Variants in KCNMA1 observed in about 807,000 individuals in gnomAD.
KCNMA1 encodes the protein Calcium-activated potassium channel subunit alpha-1.
Under a neutral mutation model 140.0 loss-of-function variants are expected in KCNMA1, and 29 were observed. That is an observed-to-expected ratio of 0.21 (90% CI 0.15 to 0.28). The LOEUF is 0.28. KCNMA1 is among the 10% of genes least tolerant of loss of function. The pLI, the probability that KCNMA1 is intolerant of heterozygous loss-of-function variation, is 1.00. For synonymous variants in KCNMA1, 612 were observed against 611.9 expected (o/e 1.00, Z 0.00); for missense variants, 880 against 1,602.2 (o/e 0.55, Z 7.70).
At chr10:77,514,437 T>C (rs1406638140) in intron 1 of KCNMA1, among the ~76,000 whole-genome samples, 2 of 152,120 alleles carry the variant, frequency 1.3e-5, no homozygotes, top group African/African-American at 4.8e-5. Context: ...AAGTTCAGCC[T>C]CTTCCTCCAA....
chr10:77,184,406 G>A (rs553719610), intron 4 of KCNMA1, among the ~76,000 whole-genome samples: 2 of 152,252 alleles, frequency 1.3e-5, no homozygotes, highest in South Asian at 4.1e-4. Flanking sequence ...TTTTAGTAGA[G>A]ATGGGATTTC....
intron 2 of KCNMA1, among the ~76,000 whole-genome samples, chr10:77,399,583 G>A (rs1009333580): frequency 9.8e-5 from 15 of 152,318 alleles, no homozygotes; most frequent in Admixed American, 8.5e-4. Flanking sequence ...GTGCCAGGGT[G>A]AGAGAGGAGG....
intron 3 of KCNMA1, among the ~76,000 whole-genome samples, chr10:77,187,989 G>A (rs968997043): frequency 6.6e-6 from 1 of 152,038 alleles, no homozygotes; most frequent in Non-Finnish European, 1.5e-5. Flanking sequence ...CAACAAAAGA[G>A]TTGGCCATAT....
chr10:77,236,677 C>T (rs79028913), intron 3 of KCNMA1, among the ~76,000 whole-genome samples: 13 of 152,136 alleles, frequency 8.5e-5, no homozygotes, highest in Non-Finnish European at 1.3e-4. Flanking sequence ...AGTATACATA[C>T]GTTTATACAG....
In KCNMA1 at chr10:76,953,897, A is replaced by G. The variant is rs1294400353; in HGVS notation, c.2388T>C (p.Asn796=). 6.2e-7 allele frequency: 1 copy of G among 1,614,128 alleles called. No individual in the cohort carries two copies. Among genetic ancestry groups the G allele is most frequent in the Admixed American group, 1.7e-5 (1 of 60,030 alleles). ...TGGAGTCCATGTTGTCAATCTGATCATTGCCAGGAATTAACAAGGGGTCAT... is the reference window on the plus strand; with the variant it reads ...TGGAGTCCATGTTGTCAATCTGATCGTTGCCAGGAATTAACAAGGGGTCAT... ...MRHDPLLIPG[N]DQIDNMDSNV... is the part of the protein sequence containing the mutation. The change falls in exon 21 of 28, where the codon AAT becomes AAC. Residue 796 remains asparagine (N), a synonymous_variant. Transcript: ENST00000286628.
chr10:77,634,140 G>A, intron 1 of KCNMA1: 1 of 985,158 alleles, frequency 1.0e-6, no homozygotes, highest in Non-Finnish European at 1.2e-6. Flanking sequence ...CTTTATTCAG[G>A]CTACCAGAGC....
intron 1 of KCNMA1, among the ~76,000 whole-genome samples, chr10:77,459,832 C>T (rs1041169861): frequency 2.0e-5 from 3 of 152,162 alleles, no homozygotes; most frequent in Non-Finnish European, 4.4e-5. Context: ...GCCTTAGGCG[C>T]ACTATTTGAT....
intron 21 of KCNMA1, chr10:76,952,046 C>G (rs1355823614): frequency 1.3e-6 from 2 of 1,551,962 alleles, no homozygotes; most frequent in Non-Finnish European, 1.7e-6. Context: ...CCTCCTTAAA[C>G]TTTTTTATGC....
intron 23 of KCNMA1, among the ~76,000 whole-genome samples, chr10:76,942,150 T>G (rs1182366873): frequency 6.6e-6 from 1 of 152,052 alleles, no homozygotes; most frequent in Non-Finnish European, 1.5e-5. Flanking sequence ...TTTTTTGTAT[T>G]TTTAGTAGAG....
In KCNMA1 at chr10:77,358,723, G is replaced by A. The variant is rs116409662; in HGVS notation, c.540+45139C>T. Among the ~76,000 whole-genome samples, 1,064 of 152,294 alleles carry A rather than the reference G, an allele frequency of 7.0e-3. 15 individuals are homozygous for A. The highest frequency in any genetic ancestry group is 0.024 in the African/African-American group (1,014 of 41,562). On this transcript the variant is annotated intron_variant, in intron 2 of 27. Coordinates refer to ENST00000286628, the MANE Select transcript of KCNMA1 (RefSeq NM_001161352.2). Reference sequence around the variant, plus strand: ...AGGATGATTCCTGCTAAGACCCACAGGGTGGGAGTGATAAAATTTCCAGTA... The same window carrying A: ...AGGATGATTCCTGCTAAGACCCACAAGGTGGGAGTGATAAAATTTCCAGTA...
chr10:77,174,334 A>G (rs145242929), intron 5 of KCNMA1, among the ~76,000 whole-genome samples: 212 of 152,342 alleles, frequency 1.4e-3, no homozygotes, highest in African/African-American at 4.8e-3. Flanking sequence ...AATCACTTCA[A>G]AAAACATTTG....
chr10:77,081,417 C>T (rs1237029265), intron 12 of KCNMA1, among the ~76,000 whole-genome samples: 1 of 152,090 alleles, frequency 6.6e-6, no homozygotes, highest in Non-Finnish European at 1.5e-5. Flanking sequence ...CCTTCTGTGA[C>T]AAGGAAGGCT....
Position 76,886,290 on chromosome 10 carries a change from C to T in KCNMA1, c.*976G>A, listed in dbSNP as rs2036903192. Reference sequence around the variant, plus strand: ...GAGAATGCATGGAAAAATACTTGCTCTTTCCTGAGCATTATTTATTCTGTA... The same window carrying T: ...GAGAATGCATGGAAAAATACTTGCTTTTTCCTGAGCATTATTTATTCTGTA... On this transcript the variant is annotated 3_prime_UTR_variant, in exon 28 of 28. Transcript: ENST00000286628. 1 of 985,216 alleles carries T rather than the reference C, an allele frequency of 1.0e-6. No individual in the cohort carries two copies. Among genetic ancestry groups the T allele is most frequent in the Non-Finnish European group, 1.2e-6 (1 of 829,886 alleles). 61.0% of individuals were successfully genotyped at this position (985,216 alleles called of 1,614,324 possible). A position where few individuals can be genotyped will look rare whatever the true frequency, so the allele number is the denominator to read the frequency against.
intron 1 of KCNMA1, among the ~76,000 whole-genome samples, chr10:77,514,788 T>C (rs1263836790): frequency 6.6e-6 from 1 of 152,248 alleles, no homozygotes; most frequent in Admixed American, 6.5e-5. Context: ...CTTGCACCTG[T>C]GGGCGCTCTG....
In KCNMA1 at chr10:77,382,994, G is replaced by GTATATA. The variant is rs544257955; in HGVS notation, c.540+20862_540+20867dup. On this transcript the variant is annotated intron_variant, in intron 2 of 27. Transcript: ENST00000286628. The stretch of plus-strand genomic sequence containing the variant: ...TGTGTGTGTGTGTGTGTGTGTGTGT[G>GTATATA]TATATATATATATATATATATATAT... 6.4e-3 allele frequency among the ~76,000 whole-genome samples: 296 copies of GTATATA among 46,406 alleles called. 3 individuals are homozygous for GTATATA. Among genetic ancestry groups the GTATATA allele is most frequent in the Non-Finnish European group, 9.9e-3 (250 of 25,266 alleles). The allele number at this position is 46,406 out of a possible 152,430, so 30.4% of individuals were successfully genotyped here. A position where few individuals can be genotyped will look rare whatever the true frequency, so the allele number is the denominator to read the frequency against.
chr10:77,407,102 A>G (rs2096493186), intron 1 of KCNMA1, among the ~76,000 whole-genome samples: 1 of 152,246 alleles, frequency 6.6e-6, no homozygotes, highest in Admixed American at 6.5e-5. Context: ...GCAAGGAAAA[A>G]CACAGACTAA....
chr10:77,158,192 T>C (rs2098510344), intron 5 of KCNMA1, among the ~76,000 whole-genome samples: 1 of 152,076 alleles, frequency 6.6e-6, no homozygotes, highest in Non-Finnish European at 1.5e-5. Flanking sequence ...AGAATCTTCT[T>C]TGAGGCAAAA....
intron 2 of KCNMA1, among the ~76,000 whole-genome samples, chr10:77,390,381 C>A (rs2095772706): frequency 6.6e-6 from 1 of 152,176 alleles, no homozygotes; most frequent in South Asian, 2.1e-4. Flanking sequence ...CAGCATAGAC[C>A]AAGGTGAGTA....
At chr10:76,975,211 T>G (rs2077126630) in intron 19 of KCNMA1, 1 of 152,170 alleles carries the variant, frequency 6.6e-6, no homozygotes, top group Admixed American at 6.5e-5. Flanking sequence ...ACAGTCGTGT[T>G]GCAAAATGTA....
Sources: gnomAD v4.1 joint callset for allele counts (sites outside exome capture counted in the v4.1 genomes callset) on GRCh38, gnomAD v4.1.1 for gene constraint, MANE v1.5 for transcripts, NCBI Gene and HGNC (gene_info 2026-07-23, HGNC 2026-07-21) for gene names.